DCDC2: variants seen among roughly 807,000 people sequenced by gnomAD.
DCDC2 encodes the protein doublecortin domain-containing protein 2.
Under a neutral mutation model 50.2 loss-of-function variants are expected in DCDC2, and 40 were observed. That is an observed-to-expected ratio of 0.80 (90% CI 0.62 to 1.04). The LOEUF is 1.04. DCDC2 is among the 50% of genes least tolerant of loss of function. The pLI is 0.00. For missense variants in DCDC2, 570 were observed against 581.9 expected, an observed-to-expected ratio of 0.98 and a Z score of 0.21; for synonymous variants, 234 against 210.6, an observed-to-expected ratio of 1.11 and a Z score of -0.96.
chr6:24,229,152 G>T (rs560767334), intron 7 of DCDC2, among the ~76,000 whole-genome samples: 2 of 152,202 alleles, frequency 1.3e-5, no homozygotes, highest in Non-Finnish European at 2.9e-5. Flanking sequence ...TACAGTTCTG[G>T]AGGCCAGAGT....
intron 8 of DCDC2, among the ~76,000 whole-genome samples, chr6:24,181,422 CA>C (rs1409317225): frequency 4.6e-5 from 7 of 152,248 alleles, no homozygotes; most frequent in Non-Finnish European, 7.4e-5. Flanking sequence ...GAGATACAGA[CA>C]CTTGAGGTGA....
chr6:24,177,062 T>A (rs764667176), intron 9 of DCDC2, among the ~76,000 whole-genome samples: 2 of 152,216 alleles, frequency 1.3e-5, no homozygotes, highest in Non-Finnish European at 2.9e-5. Context: ...TGTTGGATCT[T>A]ACTATCTAGT....
intron 7 of DCDC2, among the ~76,000 whole-genome samples, chr6:24,243,929 C>T (rs1391053533): frequency 6.6e-6 from 1 of 152,200 alleles, no homozygotes; most frequent in Non-Finnish European, 1.5e-5. Context: ...ATCTGATCTG[C>T]TTCACGATTT....
chr6:24,238,802 G>A (rs781655108), intron 7 of DCDC2, among the ~76,000 whole-genome samples: 1 of 152,188 alleles, frequency 6.6e-6, no homozygotes, highest in Non-Finnish European at 1.5e-5. Flanking sequence ...GCCCCATCAG[G>A]AGCAAAGGGT....
the DCDC2 span, among the ~76,000 whole-genome samples, chr6:24,371,597 C>T: frequency 1.1e-3 from 171 of 151,908 alleles, no homozygotes; most frequent in Non-Finnish European, 1.3e-3. Context: ...CAGAGTGAGA[C>T]CTCATCTGAA....
At chr6:24,191,975 G>A (rs1761323080) in intron 8 of DCDC2, among the ~76,000 whole-genome samples, 1 of 152,138 alleles carries the variant, frequency 6.6e-6, no homozygotes, top group South Asian at 2.1e-4. Context: ...GAAGGCTTGG[G>A]GATGGAGGCA....
At chr6:24,343,049 TTC>T (rs1760190223) in intron 2 of DCDC2, among the ~76,000 whole-genome samples, 2 of 143,558 alleles carry the variant, frequency 1.4e-5, no homozygotes, top group Admixed American at 7.0e-5. Context: ...TTGGTAAATA[TTC>T]TTTTTTTTTT....
chr6:24,354,354 TATTAAA>T (rs1469728287), intron 1 of DCDC2, among the ~76,000 whole-genome samples: 1 of 152,206 alleles, frequency 6.6e-6, no homozygotes, highest in Non-Finnish European at 1.5e-5. Context: ...AACATTTTAA[TATTAAA>T]AAGTATAAAT....
chr6:24,217,161 A>G (rs1363682020), intron 7 of DCDC2, among the ~76,000 whole-genome samples: 1 of 152,190 alleles, frequency 6.6e-6, no homozygotes, highest in East Asian at 1.9e-4. Context: ...AGCCAAAGAG[A>G]AATCAGGATT....
At chr6:24,293,793 T>C (rs1763801961) in intron 4 of DCDC2, among the ~76,000 whole-genome samples, 1 of 151,990 alleles carries the variant, frequency 6.6e-6, no homozygotes, top group Admixed American at 6.6e-5. Flanking sequence ...AAAACAATCC[T>C]CAGAAAATGT....
chr6:24,208,154 G>A (rs1761764890), intron 7 of DCDC2, among the ~76,000 whole-genome samples: 2 of 152,066 alleles, frequency 1.3e-5, no homozygotes, highest in African/African-American at 4.8e-5. Flanking sequence ...GAACCTGCAG[G>A]TCACGGACCC....
intron 6 of DCDC2, among the ~76,000 whole-genome samples, chr6:24,286,649 G>C (rs901911929): frequency 1.4e-4 from 21 of 151,288 alleles, no homozygotes; most frequent in African/African-American, 4.9e-4. Flanking sequence ...TCCTTGGCAG[G>C]CCTCAGCTCT....
chr6:24,258,311 C>G (rs976553717), intron 7 of DCDC2, among the ~76,000 whole-genome samples: 1 of 152,106 alleles, frequency 6.6e-6, no homozygotes, highest in Non-Finnish European at 1.5e-5. Context: ...TATTTGTCCC[C>G]GCCCACATCC....
chr6:24,291,652 AT>A (rs1408679412), intron 4 of DCDC2, among the ~76,000 whole-genome samples: 1 of 151,060 alleles, frequency 6.6e-6, no homozygotes, highest in East Asian at 1.9e-4. Context: ...CGCCCGGCTA[AT>A]TTTTTGTATT....
intron 7 of DCDC2, among the ~76,000 whole-genome samples, chr6:24,251,652 T>C (rs952559030): frequency 4.6e-5 from 7 of 152,342 alleles, no homozygotes; most frequent in Middle Eastern, 3.4e-3. Context: ...GTCTGAATTC[T>C]GCTCTGCCTC....
At position 24,284,136 on chromosome 6, in the gene DCDC2, C is replaced by G. The variant is rs562717927; in HGVS notation, c.759+4716G>C. Among the ~76,000 whole-genome samples, 72 of 152,310 alleles carry G rather than the reference C, an allele frequency of 4.7e-4. No individual in the cohort carries two copies. In the South Asian group the frequency reaches 0.014, roughly 30 times the overall value. ...TGAACTCAATAAATAGTTGTTGGATCAGCGAATCAGTCAATGACAATATAC... is the reference window on the plus strand; with the variant it reads ...TGAACTCAATAAATAGTTGTTGGATGAGCGAATCAGTCAATGACAATATAC... On this transcript the variant is annotated intron_variant, in intron 6 of 9. Coordinates refer to ENST00000378454, the MANE Select transcript of DCDC2 (RefSeq NM_016356.5).
At chr6:24,357,237 A>T in intron 1 of DCDC2, 1 of 467,492 alleles carries the variant, frequency 2.1e-6, no homozygotes, top group Non-Finnish European at 3.7e-6. Flanking sequence ...CACAGATTTT[A>T]AGTTTACTCC....
At chr6:24,203,776 A>T (rs997333213) in intron 8 of DCDC2, among the ~76,000 whole-genome samples, 3 of 150,790 alleles carry the variant, frequency 2.0e-5, no homozygotes, top group Non-Finnish European at 3.0e-5. Context: ...CAAGGAACTT[A>T]AAAAAATTTA....
chr6:24,218,244 G>A (rs560217010), intron 7 of DCDC2, among the ~76,000 whole-genome samples: 4 of 152,238 alleles, frequency 2.6e-5, no homozygotes, highest in African/African-American at 7.2e-5. Context: ...ATATTCAAAT[G>A]AGCCATAAAA....
Sources: gnomAD v4.1 joint callset for allele counts (sites outside exome capture counted in the v4.1 genomes callset) on GRCh38, gnomAD v4.1.1 for gene constraint, MANE v1.5 for transcripts, NCBI Gene and HGNC (gene_info 2026-07-23, HGNC 2026-07-21) for gene names.